The following FYTTD1 variants were observed in gnomAD, a reference collection of about 807,000 sequenced individuals.
The protein encoded by FYTTD1 is UAP56-interacting factor.
In FYTTD1, 22 loss-of-function variants were observed where a neutral mutation model predicts 40.9. The ratio of observed to expected loss-of-function variants is 0.54; its 90% CI spans 0.38 to 0.77. FYTTD1 has a LOEUF of 0.77. Among genes scored for constraint, FYTTD1 ranks in the 30% least tolerant of loss-of-function variants. FYTTD1 has a pLI of 0.00. For missense variants in FYTTD1, 351 were observed against 392.2 expected, an observed-to-expected ratio of 0.90 and a Z score of 0.89; for synonymous variants, 140 against 137.9, an observed-to-expected ratio of 1.01 and a Z score of -0.10.
intron 2 of FYTTD1, among the ~76,000 whole-genome samples, chr3:197,767,439 C>T (rs1385875638): frequency 3.8e-5 from 2 of 52,692 alleles, no homozygotes; most frequent in Admixed American, 2.2e-4. Context: ...CACCTGGCTG[C>T]TATTTTTTTT....
At chr3:197,776,370 C>A (rs1257731505) in intron 6 of FYTTD1, among the ~76,000 whole-genome samples, 1 of 150,286 alleles carries the variant, frequency 6.7e-6, no homozygotes, top group Non-Finnish European at 1.5e-5. Flanking sequence ...ACACCCCACG[C>A]CCAGCTTAAA....
intron 2 of FYTTD1, among the ~76,000 whole-genome samples, chr3:197,762,827 A>G (rs1452610248): frequency 6.6e-6 from 1 of 151,984 alleles, no homozygotes; most frequent in Non-Finnish European, 1.5e-5. Context: ...GCTTGCAGTG[A>G]GCCGAGATCG....
chr3:197,770,220 A>G lies in FYTTD1; in HGVS notation c.473A>G (p.Lys158Arg), dbSNP rs1163860998. The change falls in exon 4 of 9, where the codon AAG (lysine) becomes AGG (arginine). Residue 158 changes from lysine to arginine, a missense_variant. Physicochemically the swap from Lys to Arg is conservative, Grantham distance 26 (BLOSUM62 2). Transcript: ENST00000241502. Reference protein sequence around the residue: ...EGQRKPVAVLKRPSQLSRKNN... With the variant: ...EGQRKPVAVLRRPSQLSRKNN... ...CAGAGGAAACCAGTAGCAGTTCTCA[A>G]GAGACCTAGCCAGCTAAGCAGAAAG... The G allele has an allele frequency of 3.1e-6, 5 of 1,611,214 alleles. No homozygotes were observed. The Admixed American group carries it at 6.7e-5, about 22-fold the overall frequency.
Position 197,774,158 on chromosome 3 carries a change from C to A in FYTTD1, c.604C>A (p.Gln202Lys), listed in dbSNP as rs1490380310. 1.4e-5 allele frequency: 23 copies of A among 1,613,790 alleles called. No homozygotes were observed. In the Admixed American group the frequency reaches 3.8e-4, roughly 27 times the overall value. Residue 202 changes from glutamine (Q) to lysine (K), a missense_variant, in exon 6 of 9, where the codon CAG becomes AAG. Gln to Lys is a moderately conservative substitution (Grantham distance 53). Transcript: ENST00000241502. ...LFRRGLKVQAQLNTEQLLDDV... is the reference protein window; with the variant it reads ...LFRRGLKVQAKLNTEQLLDDV... Reference sequence around the variant, plus strand: ...TTTTTTTTCCCTTCAGGTGCAGGCCCAGTTGAATACAGAACAACTGCTAGA... The same window carrying A: ...TTTTTTTTCCCTTCAGGTGCAGGCCAAGTTGAATACAGAACAACTGCTAGA...
chr3:197,779,459 T>A (rs536862417), intron 8 of FYTTD1, among the ~76,000 whole-genome samples: 2 of 151,436 alleles, frequency 1.3e-5, no homozygotes, highest in South Asian at 4.2e-4. Context: ...GTATTAACCA[T>A]ATTAAGCTTG....
intron 3 of FYTTD1, 57 bp from the exon 4 acceptor site, chr3:197,770,075 T>C: frequency 1.1e-6 from 1 of 940,884 alleles, no homozygotes; most frequent in South Asian, 1.4e-5. Flanking sequence ...ATGTTTATTG[T>C]AGTAGAGTAT....
rs187782582 is a variant in FYTTD1, at chr3:197,753,633, A to G, written c.104-2793A>G. On this transcript the variant is annotated intron_variant, in intron 1 of 8. Transcript: ENST00000241502. ...AGAATCCTCTCGGCCATGGTAGCTC[A>G]TTTGACTTATTTGAAGATATAGGTA... Among the ~76,000 whole-genome samples, 24 of 152,040 alleles carry G rather than the reference A, an allele frequency of 1.6e-4. 1 individual carries two copies. The highest frequency in any genetic ancestry group is 1.4e-3 in the Admixed American group (21 of 15,250).
Position 197,786,686 on chromosome 3 carries a change from T to C in FYTTD1, c.*4777T>C, listed in dbSNP as rs1333042662. 2 of 152,210 alleles carry C rather than the reference T, an allele frequency of 1.3e-5. No individual in the cohort carries two copies. The highest frequency in any genetic ancestry group is 2.9e-5 in the Non-Finnish European group (2 of 68,034). The allele number at this position is 152,210 out of a possible 1,614,324, so 9.4% of individuals were successfully genotyped here. A position where few individuals can be genotyped will look rare whatever the true frequency, so the allele number is the denominator to read the frequency against. On this transcript the variant is annotated 3_prime_UTR_variant, in exon 9 of 9. Transcript: ENST00000241502. ...GACTTGTTTTTAAAGGAGTAAGCAATGGAAGGATCAAACATTTATTAAATA... is the reference window on the plus strand; with the variant it reads ...GACTTGTTTTTAAAGGAGTAAGCAACGGAAGGATCAAACATTTATTAAATA...
Position 197,781,833 on chromosome 3 carries a change from G to A in FYTTD1, c.881G>A (p.Arg294Gln), listed in dbSNP as rs776803476. 2 of 1,607,654 alleles carry A rather than the reference G, an allele frequency of 1.2e-6. No homozygotes were observed. The highest frequency in any genetic ancestry group is 1.7e-6 in the Non-Finnish European group (2 of 1,175,994). The change falls in exon 9 of 9, where the codon CGG becomes CAG. Residue 294 changes from arginine (R) to glutamine (Q), a missense_variant. Physicochemically the swap from Arg to Gln is conservative, Grantham distance 43 (BLOSUM62 1). Coordinates refer to ENST00000241502, the MANE Select transcript of FYTTD1 (RefSeq NM_032288.7). ...GKQTGMTLNERFGILKEQRAT... is the reference protein window; with the variant it reads ...GKQTGMTLNEQFGILKEQRAT... The stretch of plus-strand genomic sequence containing the variant: ...TAGACAGGGATGACGTTGAATGAGC[G>A]GTTTGGGATCCTGAAGGAACAAAGA...
At chr3:197,773,135 T>C (rs1393144320) in intron 4 of FYTTD1, among the ~76,000 whole-genome samples, 1 of 152,218 alleles carries the variant, frequency 6.6e-6, no homozygotes, top group Non-Finnish European at 1.5e-5. Flanking sequence ...TATTAATGTC[T>C]TCAGAAGATA....
rs1253163680 is a variant in FYTTD1, at chr3:197,785,746, C to T, written c.*3837C>T. Reference sequence around the variant, plus strand: ...ATAAGAGAAAAAATAGCTCACTTGGCAGCACAGAAAATGAATACCATATTG... The same window carrying T: ...ATAAGAGAAAAAATAGCTCACTTGGTAGCACAGAAAATGAATACCATATTG... On this transcript the variant is annotated 3_prime_UTR_variant, in exon 9 of 9. Coordinates refer to ENST00000241502, the MANE Select transcript of FYTTD1 (RefSeq NM_032288.7). 6.6e-6 allele frequency: 1 copy of T among 151,984 alleles called. No homozygotes were observed. Among genetic ancestry groups the T allele is most frequent in the African/African-American group, 2.4e-5 (1 of 41,380 alleles). The allele number at this position is 151,984 out of a possible 1,614,324, so 9.4% of individuals were successfully genotyped here.
intron 1 of FYTTD1, 46 bp from the exon 2 acceptor site, chr3:197,756,376 GTAAT>G (rs748100260): frequency 2.3e-5 from 32 of 1,394,926 alleles, no homozygotes; most frequent in African/African-American, 2.9e-5. Flanking sequence ...ACGAAACTGA[GTAAT>G]TGAGTTAAGT....
rs577033893 is a variant in FYTTD1 at position 197,778,899 on chromosome 3, T to TA, written c.858+436dup. Among the ~76,000 whole-genome samples, 147 of 152,304 alleles carry TA rather than the reference T, an allele frequency of 9.7e-4. 1 individual carries two copies. Among genetic ancestry groups the TA allele is most frequent in the African/African-American group, 3.4e-3 (142 of 41,582 alleles). On this transcript the variant is annotated intron_variant, in intron 8 of 8. Transcript: ENST00000241502. ...TCTGTTTTCATTTCTCCCTGGTAAATACCTAGGAGTAGAATTGCTAGGTTT... is the reference window on the plus strand; with the variant it reads ...TCTGTTTTCATTTCTCCCTGGTAAATAACCTAGGAGTAGAATTGCTAGGTTT...
intron 2 of FYTTD1, among the ~76,000 whole-genome samples, chr3:197,764,326 GA>G (rs1729475275): frequency 6.6e-6 from 1 of 152,198 alleles, no homozygotes; most frequent in Admixed American, 6.6e-5. Flanking sequence ...AAAGGGTAAA[GA>G]ATATAATCAT....
chr3:197,762,895 T>G (rs748086325), intron 2 of FYTTD1, among the ~76,000 whole-genome samples: 1 of 149,880 alleles, frequency 6.7e-6, no homozygotes, highest in Non-Finnish European at 1.5e-5. Context: ...AAAAAAAAAC[T>G]AGTGGATACT....
chr3:197,766,652 A>G (rs539002172), intron 2 of FYTTD1, among the ~76,000 whole-genome samples: 105 of 152,008 alleles, frequency 6.9e-4, no homozygotes, highest in Non-Finnish European at 1.3e-3. Flanking sequence ...CATGTTGCCC[A>G]GGCTGGTCTC....
intron 5 of FYTTD1, among the ~76,000 whole-genome samples, chr3:197,773,719 G>A (rs945215085): frequency 5.3e-5 from 8 of 152,186 alleles, no homozygotes; most frequent in African/African-American, 1.9e-4. Context: ...CGTTATTTGG[G>A]AATAAACCTG....
intron 8 of FYTTD1, 27 bp downstream of exon 8, chr3:197,778,491 TG>T: frequency 6.5e-7 from 1 of 1,527,742 alleles, no homozygotes; most frequent in Non-Finnish European, 9.0e-7. Flanking sequence ...TGTATTTTCT[TG>T]GGTCATTTGC....
At position 197,768,119 on chromosome 3, in the gene FYTTD1, A is replaced by G. The variant is rs111721617; in HGVS notation, c.236-320A>G. Among the ~76,000 whole-genome samples the G allele has an allele frequency of 3.3e-3, 503 of 152,338 alleles. 1 individual carries two copies. Among genetic ancestry groups the G allele is most frequent in the Admixed American group, 4.0e-3 (62 of 15,310 alleles). ...TTAACTTCAAGTACTCAGTAGCCAC[A>G]TATGGTTAGTATCTACCATAATGCA... On this transcript the variant is annotated intron_variant, in intron 2 of 8. Transcript: ENST00000241502.
Sources: allele counts gnomAD v4.1 joint callset (sites outside exome capture counted in the v4.1 genomes callset), GRCh38; gene constraint gnomAD v4.1.1; transcripts MANE v1.5; gene names NCBI Gene and HGNC (gene_info 2026-07-23, HGNC 2026-07-21).